Variants in ICA1 observed in about 807,000 individuals in gnomAD.
ICA1 encodes the protein 69 kDa islet cell autoantigen.
A neutral mutation model predicts 71.0 loss-of-function variants in ICA1; 40 were observed. That is an observed-to-expected ratio of 0.56 (90% CI 0.44 to 0.73). The LOEUF is 0.73. Ranked by LOEUF, ICA1 falls within the 30% of genes least tolerant of loss-of-function variation. ICA1 has a pLI of 0.00. For missense variants in ICA1, 578 were observed against 576.5 expected (o/e 1.00, Z -0.03); for synonymous variants, 207 against 209.5 (o/e 0.99, Z 0.10).
At chr7:8,166,361 T>C (rs1421593346) in intron 6 of ICA1, among the ~76,000 whole-genome samples, 3 of 152,148 alleles carry the variant, frequency 2.0e-5, no homozygotes, top group East Asian at 1.9e-4. Context: ...CCATGTGATC[T>C]TCAACAAAGT....
At chr7:8,239,792 C>A (rs1476091142) in intron 1 of ICA1, among the ~76,000 whole-genome samples, 1 of 152,242 alleles carries the variant, frequency 6.6e-6, no homozygotes, top group Non-Finnish European at 1.5e-5. Context: ...GCCTTGCTCA[C>A]TGCTAGCACA....
intron 5 of ICA1, among the ~76,000 whole-genome samples, chr7:8,219,679 T>A (rs1265825555): frequency 6.6e-6 from 1 of 152,266 alleles, no homozygotes; most frequent in Non-Finnish European, 1.5e-5. Context: ...CCTGTTGGTT[T>A]AATTTAATAC....
intron 6 of ICA1, among the ~76,000 whole-genome samples, chr7:8,212,396 C>T (rs1306165007): frequency 6.6e-6 from 1 of 152,144 alleles, no homozygotes; most frequent in Non-Finnish European, 1.5e-5. Context: ...GAAACCCCAT[C>T]TCTACTAAAA....
At chr7:8,154,588 T>C (rs1685712908) in intron 8 of ICA1, among the ~76,000 whole-genome samples, 1 of 152,206 alleles carries the variant, frequency 6.6e-6, no homozygotes, top group African/African-American at 2.4e-5. Context: ...AGGGGCTATT[T>C]GCTTAGGTAA....
intron 13 of ICA1, among the ~76,000 whole-genome samples, chr7:8,121,794 G>C (rs1233952913): frequency 1.3e-5 from 2 of 152,160 alleles, no homozygotes; most frequent in African/African-American, 4.8e-5. Context: ...AGAAATGCTT[G>C]AGGTGATGAA....
Position 8,144,355 on chromosome 7 carries a change from A to T in ICA1, c.805-383T>A, listed in dbSNP as rs986746749. On this transcript the variant is annotated intron_variant, in intron 8 of 13. Transcript: ENST00000402384. The surrounding 1 kb of genome is among the most constrained non-coding windows in gnomAD (Gnocchi z 4.5). ...TTCTGTTCGCAGCCCACACACTGAC[A>T]AAGTAGAAGTTCCTCCCACCTCCAC... is the stretch of plus-strand genomic sequence containing the variant. Among the ~76,000 whole-genome samples, 3 of 152,248 alleles carry T rather than the reference A, an allele frequency of 2.0e-5. No individual in the cohort carries two copies. The highest frequency in any genetic ancestry group is 4.8e-5 in the African/African-American group (2 of 41,472).
At chr7:8,119,310 G>A (rs1006145097) in intron 13 of ICA1, among the ~76,000 whole-genome samples, 1 of 152,108 alleles carries the variant, frequency 6.6e-6, no homozygotes, top group Non-Finnish European at 1.5e-5. Flanking sequence ...GACACAATGG[G>A]AACTCAAACA....
chr7:8,124,804 A>G (rs1277141994), intron 13 of ICA1, among the ~76,000 whole-genome samples: 1 of 150,464 alleles, frequency 6.6e-6, no homozygotes, highest in Admixed American at 6.6e-5. Flanking sequence ...TTTTTTTCAG[A>G]GACAGAGTCT....
intron 8 of ICA1, among the ~76,000 whole-genome samples, chr7:8,150,403 TG>T (rs1462402781): frequency 6.6e-6 from 1 of 152,248 alleles, no homozygotes; most frequent in African/African-American, 2.4e-5. Context: ...GCTCCTCCTG[TG>T]GCAGGTACTG....
intron 13 of ICA1, among the ~76,000 whole-genome samples, chr7:8,120,232 C>T (rs986989642): frequency 3.3e-5 from 5 of 152,134 alleles, no homozygotes; most frequent in African/African-American, 9.7e-5. Context: ...TTCTTTTCTC[C>T]GAACAATTAT....
chr7:8,114,080 T>C (rs1562474124), intron 13 of ICA1, 36 bp from the exon 14 acceptor site: 1 of 1,613,458 alleles, frequency 6.2e-7, no homozygotes, highest in East Asian at 2.2e-5. Context: ...CAAACGCACC[T>C]TCCAAATGTC....
chr7:8,208,054 C>T (rs1269027867), intron 6 of ICA1, among the ~76,000 whole-genome samples: 1 of 152,122 alleles, frequency 6.6e-6, no homozygotes, highest in African/African-American at 2.4e-5. Flanking sequence ...TTAAAAAATG[C>T]TATTCAAAAT....
At chr7:8,242,074 C>T (rs1181569465) in intron 1 of ICA1, among the ~76,000 whole-genome samples, 1 of 152,182 alleles carries the variant, frequency 6.6e-6, no homozygotes, top group Non-Finnish European at 1.5e-5. Flanking sequence ...ACCTAATAGA[C>T]ATCTACAGAA....
chr7:8,191,422 G>C (rs894796657), intron 6 of ICA1, among the ~76,000 whole-genome samples: 1 of 152,136 alleles, frequency 6.6e-6, no homozygotes, highest in Non-Finnish European at 1.5e-5. Flanking sequence ...CAACCACTCT[G>C]TTTTTCATTG....
At chr7:8,242,558 CTA>C (rs1452266700) in intron 1 of ICA1, among the ~76,000 whole-genome samples, 1 of 152,112 alleles carries the variant, frequency 6.6e-6, no homozygotes, top group East Asian at 1.9e-4. Context: ...CAAGAAATAA[CTA>C]AGATCAGAGC....
At chr7:8,174,639 A>T (rs371210542) in intron 6 of ICA1, among the ~76,000 whole-genome samples, 61 of 151,972 alleles carry the variant, frequency 4.0e-4, no homozygotes, top group African/African-American at 1.4e-3. Context: ...ACAAAAAAAT[A>T]AAAAAATCAG....
chr7:8,183,297 C>CA (rs1446742795), intron 6 of ICA1, among the ~76,000 whole-genome samples: 1 of 152,162 alleles, frequency 6.6e-6, no homozygotes, highest in African/African-American at 2.4e-5. Context: ...ATTCTGAGGA[C>CA]TTTTTCCCCA....
chr7:8,147,964 A>G (rs911403636), intron 8 of ICA1, among the ~76,000 whole-genome samples: 4 of 152,002 alleles, frequency 2.6e-5, no homozygotes, highest in African/African-American at 7.3e-5. Flanking sequence ...CCAAAGCTAC[A>G]CAAGTCAGGT....
chr7:8,152,882 CACCACCACT>C (rs1335408368), intron 8 of ICA1, among the ~76,000 whole-genome samples: 1 of 18,604 alleles, frequency 5.4e-5, no homozygotes, highest in Non-Finnish European at 1.3e-4. Flanking sequence ...CCATCACCTC[CACCACCACT>C]ACCACCATTA....
Sources: gnomAD v4.1 joint callset for allele counts (sites outside exome capture counted in the v4.1 genomes callset) on GRCh38, gnomAD v4.1.1 for gene constraint, Gnocchi (gnomAD v3.1) non-coding constraint, MANE v1.5 for transcripts, NCBI Gene and HGNC (gene_info 2026-07-23, HGNC 2026-07-21) for gene names.